GAS7: variants seen among roughly 807,000 people sequenced by gnomAD.
GAS7 encodes growth arrest-specific protein 7.
A neutral mutation model predicts 71.1 loss-of-function variants in GAS7; 28 were observed. The observed-to-expected ratio is 0.39, with a 90% CI of 0.29 to 0.54. GAS7 has a LOEUF of 0.54. Ranked by LOEUF, GAS7 falls within the 20% of genes least tolerant of loss-of-function variation. The pLI is 0.62. For missense variants in GAS7, 436 were observed against 627.8 expected (o/e 0.69, Z 3.27); for synonymous variants, 258 against 245.8 (o/e 1.05, Z -0.46).
At chr17:10,142,297 T>C (rs188500392) in intron 1 of GAS7, among the ~76,000 whole-genome samples, 1 of 152,210 alleles carries the variant, frequency 6.6e-6, no homozygotes, top group African/African-American at 2.4e-5. Flanking sequence ...TCTTTCAAAT[T>C]ATTGGAAGAA....
intron 1 of GAS7, among the ~76,000 whole-genome samples, chr17:10,032,532 G>A (rs2072646993): frequency 6.6e-6 from 1 of 152,158 alleles, no homozygotes; most frequent in Admixed American, 6.5e-5. Flanking sequence ...CTGGGCCTCT[G>A]TTTCCTCATC....
chr17:9,993,029 A>G (rs1288545853), intron 2 of GAS7, among the ~76,000 whole-genome samples: 1 of 151,868 alleles, frequency 6.6e-6, no homozygotes, highest in Non-Finnish European at 1.5e-5. Flanking sequence ...GTTGGTTCCA[A>G]GTCTTTGCTA....
intron 1 of GAS7, among the ~76,000 whole-genome samples, chr17:10,129,974 C>T (rs914467865): frequency 1.3e-5 from 2 of 151,900 alleles, no homozygotes; most frequent in Non-Finnish European, 2.9e-5. Context: ...GAGTTCAAGA[C>T]CAGCCTGGCC....
At chr17:10,001,881 G>A (rs1053505523) in intron 2 of GAS7, among the ~76,000 whole-genome samples, 1 of 152,184 alleles carries the variant, frequency 6.6e-6, no homozygotes, top group South Asian at 2.1e-4. Context: ...TTCTAAGCAA[G>A]AGCCTGCACC....
At chr17:10,092,198 G>T (rs988517095) in intron 1 of GAS7, among the ~76,000 whole-genome samples, 11 of 152,024 alleles carry the variant, frequency 7.2e-5, no homozygotes, top group African/African-American at 2.4e-4. Flanking sequence ...CACCTACAAG[G>T]CTGCTCCCTC....
intron 1 of GAS7, among the ~76,000 whole-genome samples, chr17:10,178,459 C>T (rs1395779816): frequency 6.6e-6 from 1 of 152,068 alleles, no homozygotes. Context: ...CCAGGTGAGG[C>T]AGAAGAAGCC....
intron 1 of GAS7, among the ~76,000 whole-genome samples, chr17:10,073,525 G>C (rs2073362177): frequency 6.6e-6 from 1 of 152,176 alleles, no homozygotes; most frequent in Admixed American, 6.5e-5. Context: ...ATAAGACGTG[G>C]TCCATAGACC....
At chr17:10,072,330 C>G (rs895176877) in intron 1 of GAS7, among the ~76,000 whole-genome samples, 2 of 152,184 alleles carry the variant, frequency 1.3e-5, no homozygotes, top group Non-Finnish European at 2.9e-5. Context: ...AAACCCAGCA[C>G]CCAGGCCCCT....
chr17:10,026,328 C>T lies in GAS7; in HGVS notation c.184-6431G>A, dbSNP rs1312759670. ...GCATATCCACAGGGCCCCACACCCC[C>T]ACTCCCCCCACACCCAGATCTATAT... On this transcript the variant is annotated intron_variant, in intron 1 of 13. Transcript: ENST00000432992. The surrounding 1 kb of genome is among the most constrained non-coding windows in gnomAD (Gnocchi z 4.5). 43 of 978,494 alleles carry T rather than the reference C, an allele frequency of 4.4e-5. No individual in the cohort carries two copies. The highest frequency in any genetic ancestry group is 1.2e-4 in the Admixed American group (2 of 16,260). The allele number at this position is 978,494 out of a possible 1,614,324, so 60.6% of individuals were successfully genotyped here. A position where few individuals can be genotyped will look rare whatever the true frequency, so the allele number is the denominator to read the frequency against.
At chr17:10,183,438 G>A (rs1398163833) in intron 1 of GAS7, among the ~76,000 whole-genome samples, 3 of 152,140 alleles carry the variant, frequency 2.0e-5, no homozygotes, top group African/African-American at 7.2e-5. Flanking sequence ...ATGATCACCA[G>A]AGCATACAGG....
intron 9 of GAS7, among the ~76,000 whole-genome samples, chr17:9,927,286 T>TACACAC (rs1471466286): frequency 5.8e-5 from 4 of 68,730 alleles, no homozygotes; most frequent in African/African-American, 1.0e-4. Context: ...CCATCTCTAC[T>TACACAC]ACATACACAC....
intron 5 of GAS7, among the ~76,000 whole-genome samples, chr17:9,954,881 C>CATCT (rs2069168564): frequency 6.6e-6 from 1 of 152,000 alleles, no homozygotes; most frequent in Non-Finnish European, 1.5e-5. Flanking sequence ...AAGAACAGTC[C>CATCT]CTTCGGAGAG....
In GAS7 at chr17:10,139,140, G is replaced by A. The variant is rs189806764; in HGVS notation, c.183+59068C>T. Among the ~76,000 whole-genome samples, 302 of 152,306 alleles carry A rather than the reference G, an allele frequency of 2.0e-3. 3 individuals carry two copies. The highest frequency in any genetic ancestry group is 3.7e-4 in the Non-Finnish European group (25 of 68,020). ...AAATGCTATCTAAAACCAACAGCCA[G>A]TATCGGAGTTATGAGGAAACTCCAG... On this transcript the variant is annotated intron_variant, in intron 1 of 13. Transcript: ENST00000432992.
At position 10,052,778 on chromosome 17, in the gene GAS7, G is replaced by C. The variant is rs541550520; in HGVS notation, c.184-32881C>G. Among the ~76,000 whole-genome samples, 5 of 152,252 alleles carry C rather than the reference G, an allele frequency of 3.3e-5. No individual in the cohort carries two copies. The East Asian group carries it at 9.7e-4, about 29-fold the overall frequency. The stretch of plus-strand genomic sequence containing the variant: ...CACCTTGCTCTGTCTAGTGGGCCAG[G>C]CTCCTCACTTTGGGGCTTTCTCCTG... On this transcript the variant is annotated intron_variant, in intron 1 of 13. Transcript: ENST00000432992.
intron 1 of GAS7, among the ~76,000 whole-genome samples, chr17:10,186,247 G>A (rs1345560630): frequency 6.6e-6 from 1 of 151,842 alleles, no homozygotes; most frequent in Non-Finnish European, 1.5e-5. Flanking sequence ...GTGAGCTACC[G>A]CGCGTGGCCA....
At chr17:10,020,530 T>C (rs1031534555) in intron 1 of GAS7, among the ~76,000 whole-genome samples, 6 of 152,090 alleles carry the variant, frequency 3.9e-5, no homozygotes, top group Non-Finnish European at 7.4e-5. Context: ...TAACCATGTA[T>C]AGAATTACTT....
At chr17:10,048,194 T>C (rs76857803) in intron 1 of GAS7, among the ~76,000 whole-genome samples, 2 of 152,170 alleles carry the variant, frequency 1.3e-5, no homozygotes, top group East Asian at 3.9e-4. Flanking sequence ...CCCAGCTACT[T>C]GGGAGGCTGA....
chr17:10,056,965 T>A (rs917452188), intron 1 of GAS7, among the ~76,000 whole-genome samples: 36 of 137,712 alleles, frequency 2.6e-4, no homozygotes, highest in Non-Finnish European at 5.2e-4. Context: ...GGTTTTCATA[T>A]TTTTTTTTTT....
chr17:10,088,163 G>A (rs1177622433), intron 1 of GAS7, among the ~76,000 whole-genome samples: 1 of 151,450 alleles, frequency 6.6e-6, no homozygotes, highest in Non-Finnish European at 1.5e-5. Context: ...GGAGGTTGCA[G>A]TGAGCTGAGA....
Sources: allele counts gnomAD v4.1 joint callset (sites outside exome capture counted in the v4.1 genomes callset), GRCh38; gene constraint gnomAD v4.1.1; non-coding constraint Gnocchi (gnomAD v3.1); transcripts MANE v1.5; gene names NCBI Gene and HGNC (gene_info 2026-07-23, HGNC 2026-07-21).